Variants in LIPA observed in about 807,000 individuals in gnomAD.
LIPA encodes lysosomal acid lipase/cholesteryl ester hydrolase.
A neutral mutation model predicts 40.6 loss-of-function variants in LIPA; 26 were observed. The observed-to-expected ratio is 0.64, with a 90% CI of 0.47 to 0.89. The LOEUF is 0.89. LIPA is among the 40% of genes least tolerant of loss of function. LIPA has a pLI of 0.00. For synonymous variants in LIPA, 188 were observed against 168.4 expected (o/e 1.12, Z -0.90); for missense variants, 455 against 479.6 (o/e 0.95, Z 0.48).
chr10:89,231,098 C>T (rs575725272), intron 3 of LIPA, among the ~76,000 whole-genome samples: 53 of 152,154 alleles, frequency 3.5e-4, no homozygotes, highest in African/African-American at 1.3e-3. Context: ...AAAGCTTATA[C>T]CTTGCAAAGG....
intron 1 of LIPA, among the ~76,000 whole-genome samples, chr10:89,281,384 G>A (rs1364567523): frequency 6.6e-6 from 1 of 151,986 alleles, no homozygotes; most frequent in African/African-American, 2.4e-5. Context: ...ATCCACACTT[G>A]TTGTATTCAG....
chr10:89,230,630 A>G (rs1175780070), intron 3 of LIPA, among the ~76,000 whole-genome samples: 2 of 152,182 alleles, frequency 1.3e-5, no homozygotes, highest in Non-Finnish European at 2.9e-5. Context: ...AGACAGCTCA[A>G]ACAAACCTAG....
At chr10:89,286,974 GC>G (rs1843344452) in intron 1 of LIPA, among the ~76,000 whole-genome samples, 1 of 152,212 alleles carries the variant, frequency 6.6e-6, no homozygotes. Context: ...TGCTTCAAGT[GC>G]CAGAAATCTG....
intron 1 of LIPA, among the ~76,000 whole-genome samples, chr10:89,250,442 T>C (rs971455057): frequency 6.6e-6 from 1 of 152,188 alleles, no homozygotes; most frequent in Admixed American, 6.5e-5. Context: ...CCCTTCAGTG[T>C]GCATTGGCAA....
chr10:89,278,301 A>T (rs1293241161), intron 1 of LIPA: 1 of 152,206 alleles, frequency 6.6e-6, no homozygotes, highest in Non-Finnish European at 1.5e-5. Flanking sequence ...CAAGAGAAAA[A>T]ATCCATGACA....
chr10:89,330,072 C>G (rs567616910), intron 1 of LIPA, among the ~76,000 whole-genome samples: 1 of 152,238 alleles, frequency 6.6e-6, no homozygotes, highest in South Asian at 2.1e-4. Context: ...GCCATTTTCA[C>G]TTCTTTTGTG....
upstream of LIPA, chr10:89,251,980 A>AC (rs1843132045): frequency 6.6e-6 from 1 of 152,428 alleles, no homozygotes; most frequent in African/African-American, 2.4e-5. Flanking sequence ...CATGCGCCGT[A>AC]GGCGTTTCTA....
At chr10:89,413,101 G>A (rs780307499) in intron 1 of LIPA, among the ~76,000 whole-genome samples, 6 of 152,180 alleles carry the variant, frequency 3.9e-5, no homozygotes, top group Non-Finnish European at 8.8e-5. Context: ...GTGAGAACAT[G>A]CAGTGTTTGG....
At chr10:89,389,913 T>C (rs556352593) in intron 2 of LIPA, among the ~76,000 whole-genome samples, 16 of 151,852 alleles carry the variant, frequency 1.1e-4, no homozygotes, top group South Asian at 8.3e-4. Flanking sequence ...TTAGGGATAA[T>C]TGAGGCCCTG....
chr10:89,307,339 C>G (rs373395952), intron 1 of LIPA: 82 of 1,609,046 alleles, frequency 5.1e-5, no homozygotes, highest in Non-Finnish European at 6.9e-5. Flanking sequence ...AGTCTGGAAG[C>G]CTCATCCCTT....
At chr10:89,295,407 T>C (rs184980362) in intron 1 of LIPA, among the ~76,000 whole-genome samples, 1 of 152,360 alleles carries the variant, frequency 6.6e-6, no homozygotes, top group East Asian at 1.9e-4. Context: ...GAGTTTCATT[T>C]TATAGAAGTA....
At chr10:89,347,603 A>G (rs1843931247), upstream of LIPA, among the ~76,000 whole-genome samples, 1 of 152,228 alleles carries the variant, frequency 6.6e-6, no homozygotes, top group Non-Finnish European at 1.5e-5. Flanking sequence ...TATTATTTCT[A>G]GGATCTCTGT....
intron 2 of LIPA, among the ~76,000 whole-genome samples, chr10:89,408,614 T>G (rs1589644811): frequency 6.6e-6 from 1 of 152,228 alleles, no homozygotes; most frequent in Admixed American, 6.5e-5. Context: ...ACATGTCCCC[T>G]GCTCCCTCTC....
At position 89,313,490 on chromosome 10, in the gene LIPA, C is replaced by G. The variant is rs1007634005; in HGVS notation, c.-2+29121G>C. ...TTTGGAAAATAGTTGGACAGTTCTT[C>G]AAATGGTTAAACATAGTTACCATAT... On this transcript the variant is annotated intron_variant, in intron 1 of 5. Coordinates refer to the LIPA transcript ENST00000282673. Among the ~76,000 whole-genome samples the G allele has an allele frequency of 5.3e-5, 8 of 152,230 alleles. No individual in the cohort carries two copies. In the East Asian group the frequency reaches 1.5e-3, roughly 29 times the overall value.
chr10:89,318,547 A>G (rs1589599455), intron 1 of LIPA, among the ~76,000 whole-genome samples: 1 of 152,350 alleles, frequency 6.6e-6, no homozygotes, highest in Admixed American at 6.5e-5. Context: ...ACACAGGAGC[A>G]CCCAGGTTCA....
rs192335289 is a variant in LIPA at position 89,232,659 on chromosome 10, C to G, written c.230-4261G>C. 9.4e-4 allele frequency among the ~76,000 whole-genome samples: 143 copies of G among 152,242 alleles called. 2 individuals carry two copies. The highest frequency in any genetic ancestry group is 3.3e-3 in the African/African-American group (136 of 41,546). On this transcript the variant is annotated intron_variant, in intron 3 of 9. Transcript: ENST00000336233. The stretch of plus-strand genomic sequence containing the variant: ...GGAGGGTGATATGTGGCAGCCAGGC[C>G]AGGACAGAGGCTGGAAGGGGAGATG...
At chr10:89,288,079 C>T (rs1365918452) in intron 1 of LIPA, among the ~76,000 whole-genome samples, 4 of 152,190 alleles carry the variant, frequency 2.6e-5, no homozygotes, top group Admixed American at 2.0e-4. Context: ...CAAGGCTTTG[C>T]GGACAGCCCC....
chr10:89,380,800 G>C (rs1181195057), intron 2 of LIPA, among the ~76,000 whole-genome samples: 1 of 152,100 alleles, frequency 6.6e-6, no homozygotes, highest in African/African-American at 2.4e-5. Context: ...ATAAAAGGAG[G>C]ACTTTAGGCT....
intron 2 of LIPA, chr10:89,403,422 C>T (rs1062926): frequency 6.2e-7 from 1 of 1,613,752 alleles, no homozygotes; most frequent in African/African-American, 1.3e-5. Flanking sequence ...CATACATTTC[C>T]ACTATGGTCG....
Sources: gnomAD v4.1 joint callset for allele counts (sites outside exome capture counted in the v4.1 genomes callset) on GRCh38, gnomAD v4.1.1 for gene constraint, MANE v1.5 for transcripts, NCBI Gene and HGNC (gene_info 2026-07-23, HGNC 2026-07-21) for gene names.